The following WDTC1 variants were observed in gnomAD, a reference collection of about 807,000 sequenced individuals.
WDTC1 encodes the protein WD and tetratricopeptide repeats 1, also known as WD and tetratricopeptide repeats protein 1.
Under a neutral mutation model 76.0 loss-of-function variants are expected in WDTC1, and 12 were observed. The observed-to-expected ratio is 0.16, with a 90% CI of 0.10 to 0.26. The LOEUF is 0.26. WDTC1 is among the 10% of genes least tolerant of loss of function. WDTC1 has a pLI of 1.00. For synonymous variants in WDTC1, 326 were observed against 350.8 expected (o/e 0.93, Z 0.79); for missense variants, 511 against 908.8 (o/e 0.56, Z 5.63).
intron 3 of WDTC1, among the ~76,000 whole-genome samples, chr1:27,270,908 T>A (rs1053453094): frequency 2.6e-5 from 4 of 152,240 alleles, no homozygotes; most frequent in East Asian, 3.8e-4. Context: ...AATTTTTTTT[T>A]ATCATTCTAA....
intron 8 of WDTC1, 119 bp downstream of exon 8, chr1:27,294,235 C>A: frequency 9.1e-7 from 1 of 1,093,444 alleles, no homozygotes; most frequent in Non-Finnish European, 1.3e-6. Flanking sequence ...GTCAGACAGA[C>A]CTGAGTTTTA....
In WDTC1 at chr1:27,276,196, A is replaced by G. The variant is rs542648476; in HGVS notation, c.133-6043A>G. ...ATGCTGCTATGAACCTTCATGTACA[A>G]GTTTTTGTGTGGACATGTTTTCTTC... On this transcript the variant is annotated intron_variant, in intron 3 of 15. Coordinates refer to ENST00000319394, the MANE Select transcript of WDTC1 (RefSeq NM_001276252.2). 2.0e-5 allele frequency among the ~76,000 whole-genome samples: 3 copies of G among 152,248 alleles called. 1 individual carries two copies. In the East Asian group the frequency reaches 5.8e-4, roughly 29 times the overall value.
At chr1:27,282,810 C>T (rs1427295134) in intron 4 of WDTC1, among the ~76,000 whole-genome samples, 4 of 151,682 alleles carry the variant, frequency 2.6e-5, no homozygotes, top group African/African-American at 9.7e-5. Flanking sequence ...GGCCCAAAAC[C>T]CTGTTTTTTT....
chr1:27,250,381 C>T (rs2012006519), intron 1 of WDTC1, among the ~76,000 whole-genome samples: 1 of 152,022 alleles, frequency 6.6e-6, no homozygotes, highest in African/African-American at 2.4e-5. Context: ...AATTCCTGAC[C>T]TCAGGTGATC....
chr1:27,244,274 C>T (rs1200256062), intron 1 of WDTC1, among the ~76,000 whole-genome samples: 1 of 152,194 alleles, frequency 6.6e-6, no homozygotes, highest in East Asian at 1.9e-4. Context: ...GGATTTGAAC[C>T]TAAGATCTGT....
In WDTC1 at chr1:27,303,886, T is replaced by C. The variant is rs2013892154; in HGVS notation, c.1643+91T>C. 1.3e-6 allele frequency: 2 copies of C among 1,529,872 alleles called. No individual in the cohort carries two copies. The highest frequency in any genetic ancestry group is 1.2e-5 in the South Asian group (1 of 84,244). 94.8% of individuals were successfully genotyped at this position (1,529,872 alleles called of 1,614,324 possible). ...GGCATAATGGTTTCAGAGAAGAATC[T>C]CAAATCCCTGCTCTGCCTCTGTACC... On this transcript the variant is annotated intron_variant, in intron 14 of 15. Transcript: ENST00000319394. This position sits in a 1 kb window ranked among gnomAD's most constrained non-coding sequence, Gnocchi z 4.8.
chr1:27,269,786 A>C (rs2012808054), intron 3 of WDTC1, among the ~76,000 whole-genome samples: 1 of 150,438 alleles, frequency 6.6e-6, no homozygotes, highest in South Asian at 2.1e-4. Context: ...TAATTTTTCT[A>C]TTTTTAGTAG....
chr1:27,261,004 G>A lies in WDTC1; in HGVS notation c.-51G>A, dbSNP rs1008829206. 1.9e-6 allele frequency: 3 copies of A among 1,602,980 alleles called. No homozygotes were observed. Among genetic ancestry groups the A allele is most frequent in the African/African-American group, 2.7e-5 (2 of 74,550 alleles). ...ACCTGGGCTTGGCTGGAATGCTCAGGGGTCCTGAAGATCCTATTATAGCTT... is the reference window on the plus strand; with the variant it reads ...ACCTGGGCTTGGCTGGAATGCTCAGAGGTCCTGAAGATCCTATTATAGCTT... On this transcript the variant is annotated 5_prime_UTR_variant, in exon 2 of 16. Coordinates refer to ENST00000319394, the MANE Select transcript of WDTC1 (RefSeq NM_001276252.2).
chr1:27,297,703 T>C (rs2013729368), intron 11 of WDTC1, among the ~76,000 whole-genome samples: 1 of 152,178 alleles, frequency 6.6e-6, no homozygotes, highest in Non-Finnish European at 1.5e-5. Context: ...TTTCTGCCCT[T>C]CTTTTCACTG....
intron 1 of WDTC1, among the ~76,000 whole-genome samples, chr1:27,247,671 T>C (rs2011888793): frequency 6.6e-6 from 1 of 152,104 alleles, no homozygotes; most frequent in Non-Finnish European, 1.5e-5. Flanking sequence ...TTCTTATGGC[T>C]GCATGGTCAT....
At chr1:27,282,758 C>T (rs2013222796) in intron 4 of WDTC1, among the ~76,000 whole-genome samples, 1 of 152,090 alleles carries the variant, frequency 6.6e-6, no homozygotes, top group Admixed American at 6.5e-5. Flanking sequence ...CCTGCCTCAG[C>T]CTCCCAAAGT....
At chr1:27,289,197 C>T (rs1244960089) in intron 6 of WDTC1, among the ~76,000 whole-genome samples, 61 of 148,554 alleles carry the variant, frequency 4.1e-4, no homozygotes, top group African/African-American at 7.2e-4. Context: ...GGCGGCTGGC[C>T]GGGCAGAGGG....
intron 1 of WDTC1, among the ~76,000 whole-genome samples, chr1:27,238,952 G>A (rs1006178058): frequency 3.4e-5 from 5 of 147,630 alleles, no homozygotes; most frequent in African/African-American, 7.5e-5. Context: ...CACCTGCCTC[G>A]GTCTCCCAAA....
In WDTC1 at chr1:27,306,672, G is replaced by C. The variant is rs1312856026; in HGVS notation, c.*289G>C. 1 of 467,842 alleles carries C rather than the reference G, an allele frequency of 2.1e-6. No homozygotes were observed. Among genetic ancestry groups the C allele is most frequent in the African/African-American group, 2.0e-5 (1 of 51,086 alleles). 29.0% of individuals were successfully genotyped at this position (467,842 alleles called of 1,614,324 possible). A position where few individuals can be genotyped will look rare whatever the true frequency, so the allele number is the denominator to read the frequency against. On this transcript the variant is annotated 3_prime_UTR_variant, in exon 16 of 16. Transcript: ENST00000319394. The surrounding 1 kb of genome is among the most constrained non-coding windows in gnomAD (Gnocchi z 5.0). ...GCTTTCATGTCCCTGGAGGGCTCTG[G>C]CCTGCCTCAAAACCCCTTCTGCCTC...
intron 3 of WDTC1, among the ~76,000 whole-genome samples, chr1:27,275,155 C>T (rs1284134528): frequency 6.6e-6 from 1 of 152,132 alleles, no homozygotes; most frequent in Non-Finnish European, 1.5e-5. Flanking sequence ...ATCTATCTCA[C>T]CTTTACAATC....
At chr1:27,304,108 C>T in intron 14 of WDTC1, 1 of 321,202 alleles carries the variant, frequency 3.1e-6, no homozygotes, top group Non-Finnish European at 5.7e-6. Context: ...AGCTTGGTTT[C>T]TTTATCTGCA....
chr1:27,299,837 C>T (rs140959913), intron 12 of WDTC1, among the ~76,000 whole-genome samples: 30 of 152,246 alleles, frequency 2.0e-4, no homozygotes, highest in African/African-American at 6.3e-4. Context: ...TCTCTACCCC[C>T]ATCCCCACAT....
At chr1:27,282,217 G>C in intron 3 of WDTC1, 22 bp from the exon 4 acceptor site, 1 of 1,613,588 alleles carries the variant, frequency 6.2e-7, no homozygotes, top group Non-Finnish European at 8.5e-7. Context: ...CTCTCTTCCT[G>C]TCTCTTCATT....
At chr1:27,295,579 C>T (rs1017945866) in intron 9 of WDTC1, among the ~76,000 whole-genome samples, 7 of 152,082 alleles carry the variant, frequency 4.6e-5, no homozygotes, top group African/African-American at 1.7e-4. Flanking sequence ...CTGCCTCAGC[C>T]TTCCAAGTAG....
Sources: allele counts gnomAD v4.1 joint callset (sites outside exome capture counted in the v4.1 genomes callset), GRCh38; gene constraint gnomAD v4.1.1; non-coding constraint Gnocchi (gnomAD v3.1); transcripts MANE v1.5; gene names NCBI Gene and HGNC (gene_info 2026-07-23, HGNC 2026-07-21).